FAM83G: variants seen among roughly 807,000 people sequenced by gnomAD.
The protein encoded by FAM83G is protein FAM83G.
FAM83G carries 38 observed loss-of-function variants against 61.5 expected under a neutral mutation model. The ratio of observed to expected loss-of-function variants is 0.62; its 90% CI spans 0.48 to 0.81. The LOEUF (loss-of-function observed/expected upper bound fraction) is 0.81. Ranked by LOEUF, FAM83G falls within the 30% of genes least tolerant of loss-of-function variation. The probability of loss-of-function intolerance (pLI) is 0.00; values close to 1 mark genes in which losing one functional copy is unlikely to be tolerated. For synonymous variants in FAM83G, 470 were observed against 476.1 expected, an observed-to-expected ratio of 0.99 and a Z score of 0.17; for missense variants, 989 against 1,133.6, an observed-to-expected ratio of 0.87 and a Z score of 1.83.
chr17:18,987,291 A>G (rs1290060312), intron 3 of FAM83G, among the ~76,000 whole-genome samples: 4 of 152,206 alleles, frequency 2.6e-5, no homozygotes, highest in African/African-American at 4.8e-5. Flanking sequence ...ATGTGGCTCC[A>G]TTCCCTCATC....
At chr17:18,975,708 A>T (rs1375534998) in intron 5 of FAM83G, 2 of 151,964 alleles carry the variant, frequency 1.3e-5, no homozygotes, top group Non-Finnish European at 2.9e-5. Flanking sequence ...AGAAAAAAAA[A>T]ATCATAGAGG....
chr17:18,993,196 C>T (rs1302302355), intron 2 of FAM83G, among the ~76,000 whole-genome samples: 1 of 152,142 alleles, frequency 6.6e-6, no homozygotes, highest in Non-Finnish European at 1.5e-5. Flanking sequence ...GCTTCCTGAT[C>T]CCTCTCCCCG....
chr17:18,986,111 T>G (rs573486933), intron 3 of FAM83G: 2 of 152,394 alleles, frequency 1.3e-5, no homozygotes, highest in Admixed American at 1.3e-4. Flanking sequence ...GTGAGCCGTG[T>G]GGGCAGCACC....
intron 2 of FAM83G, among the ~76,000 whole-genome samples, chr17:18,992,455 A>G (rs954097968): frequency 1.3e-5 from 2 of 152,092 alleles, no homozygotes; most frequent in African/African-American, 4.8e-5. Flanking sequence ...ACAAAGGAGA[A>G]CCCCACCTGT....
At position 18,969,782 on chromosome 17, in the gene FAM83G, G is replaced by A. The variant is rs1407508388; in HGVS notation, c.*1577C>T. 7.9e-6 allele frequency: 2 copies of A among 252,220 alleles called. No individual in the cohort carries two copies. Among genetic ancestry groups the A allele is most frequent in the Admixed American group, 5.2e-5 (1 of 19,150 alleles). The allele number at this position is 252,220 out of a possible 1,614,324, so 15.6% of individuals were successfully genotyped here. On this transcript the variant is annotated 3_prime_UTR_variant, in exon 6 of 6. Transcript: ENST00000388995. ...CAACCAGGAGGCCATAAAACTGCCT[G>A]GGCAGCTCCTCCAATTGTTTAAAAG... is the stretch of plus-strand genomic sequence containing the variant.
rs771745747 is a variant in FAM83G at position 18,971,413 on chromosome 17, G to A, written c.2418C>T (p.Ala806=). Reference sequence around the variant, plus strand: ...GAGCCCTCCGTTTAGAATCCGATGAGGCCCACTGGCTACCGCCCGTCCTGG... The same window carrying A: ...GAGCCCTCCGTTTAGAATCCGATGAAGCCCACTGGCTACCGCCCGTCCTGG... ...LKARTGGSQW[A]SSDSKRRAQA... is the part of the protein sequence containing the mutation. Residue 806 remains alanine (A), a synonymous_variant, in exon 6 of 6, where the codon GCC becomes GCT. Transcript: ENST00000388995. This position sits in a 1 kb window ranked among gnomAD's most constrained non-coding sequence, Gnocchi z 5.5. 5 of 1,613,796 alleles carry A rather than the reference G, an allele frequency of 3.1e-6. No homozygotes were observed. The African/African-American group carries it at 5.3e-5, about 17-fold the overall frequency.
chr17:18,972,382 G>A (rs1234453636), intron 5 of FAM83G, among the ~76,000 whole-genome samples: 3 of 152,156 alleles, frequency 2.0e-5, no homozygotes, highest in Non-Finnish European at 4.4e-5. Context: ...CCTTTCCCAC[G>A]TGGCCTACCC....
At chr17:18,984,233 T>C (rs1316461631) in intron 3 of FAM83G, among the ~76,000 whole-genome samples, 1 of 142,694 alleles carries the variant, frequency 7.0e-6, no homozygotes, top group Non-Finnish European at 1.5e-5. Flanking sequence ...TCCCAGCTAC[T>C]GGGGAGGCTG....
At chr17:18,992,280 T>C (rs2043446185) in intron 2 of FAM83G, among the ~76,000 whole-genome samples, 1 of 152,236 alleles carries the variant, frequency 6.6e-6, no homozygotes, top group South Asian at 2.1e-4. Flanking sequence ...CAGGGGGACA[T>C]CCGCCTCCAT....
intron 3 of FAM83G, among the ~76,000 whole-genome samples, chr17:18,986,560 C>A (rs1286958945): frequency 6.6e-6 from 1 of 152,210 alleles, no homozygotes; most frequent in Non-Finnish European, 1.5e-5. Flanking sequence ...CCAGGCACTC[C>A]AGGCCCCCCA....
At position 18,970,265 on chromosome 17, in the gene FAM83G, C is replaced by G. The variant is rs2042808164; in HGVS notation, c.*1094G>C. 6.6e-6 allele frequency: 1 copy of G among 152,318 alleles called. No individual in the cohort carries two copies. The highest frequency in any genetic ancestry group is 1.5e-5 in the Non-Finnish European group (1 of 68,124). The allele number at this position is 152,318 out of a possible 1,614,324, so 9.4% of individuals were successfully genotyped here. The stretch of plus-strand genomic sequence containing the variant: ...GGTTTTCCTACATCCAGGCTTCTCC[C>G]TCTCAGACCAGGGGCTCTAGTGTCC... On this transcript the variant is annotated 3_prime_UTR_variant, in exon 6 of 6. Transcript: ENST00000388995.
chr17:18,995,265 AAGTT>A (rs1352603923), intron 2 of FAM83G, among the ~76,000 whole-genome samples: 1 of 152,244 alleles, frequency 6.6e-6, no homozygotes, highest in East Asian at 1.9e-4. Flanking sequence ...TGTGTTCAAA[AAGTT>A]AGGTAGAGAT....
At chr17:18,983,643 T>C (rs1224128798) in intron 3 of FAM83G, among the ~76,000 whole-genome samples, 3 of 152,166 alleles carry the variant, frequency 2.0e-5, no homozygotes, top group Non-Finnish European at 4.4e-5. Flanking sequence ...CCTGGCTGCC[T>C]GAGGTGCAGG....
chr17:18,979,386 G>A (rs1167054921), intron 4 of FAM83G, 163 bp downstream of exon 4: 8 of 837,768 alleles, frequency 9.5e-6, no homozygotes, highest in Admixed American at 8.7e-5. Flanking sequence ...TTCTCTGCCT[G>A]CCTCCAGAGA....
At chr17:19,001,305 C>A (rs1212943982) in intron 2 of FAM83G, among the ~76,000 whole-genome samples, 2 of 152,212 alleles carry the variant, frequency 1.3e-5, no homozygotes, top group Non-Finnish European at 2.9e-5. Flanking sequence ...GAACAAATCC[C>A]TGTCCTTCTC....
Position 18,969,006 on chromosome 17 carries a change from G to A in FAM83G, c.*2353C>T, listed in dbSNP as rs778553064. 1 of 1,564,064 alleles carries A rather than the reference G, an allele frequency of 6.4e-7. No homozygotes were observed. The highest frequency in any genetic ancestry group is 2.3e-5 in the East Asian group (1 of 43,992). On this transcript the variant is annotated 3_prime_UTR_variant, in exon 6 of 6. Transcript: ENST00000388995. ...AGGTCACCCAGGGAGTGGCTTGCTGGAGCCCTGGGAATAACAGTCCCACAC... is the reference window on the plus strand; with the variant it reads ...AGGTCACCCAGGGAGTGGCTTGCTGAAGCCCTGGGAATAACAGTCCCACAC...
intron 2 of FAM83G, among the ~76,000 whole-genome samples, chr17:18,993,616 A>G (rs953566768): frequency 5.3e-5 from 8 of 152,172 alleles, no homozygotes; most frequent in African/African-American, 1.7e-4. Context: ...TGGAGCCCTG[A>G]AGCAGCCACA....
Position 18,978,479 on chromosome 17 carries a change from T to A in FAM83G, c.1187A>T (p.His396Leu). ...GELPELLPPIHPGLLHLERAN... is the reference protein window; with the variant it reads ...GELPELLPPILPGLLHLERAN... ...CCTCTCCAGGTGAAGCAGTCCTGGG[T>A]GGATGGGTGGCAGCAGCTCGGGGAG... The change falls in exon 5 of 6, where the codon CAC becomes CTC. Residue 396 changes from histidine (H) to leucine (L), a missense_variant. Physicochemically the swap from His to Leu is moderately conservative, Grantham distance 99. Transcript: ENST00000388995. 6.2e-7 allele frequency: 1 copy of A among 1,611,514 alleles called. No homozygotes were observed. The highest frequency in any genetic ancestry group is 8.5e-7 in the Non-Finnish European group (1 of 1,179,138).
chr17:18,992,877 C>G (rs1597877184), intron 2 of FAM83G, among the ~76,000 whole-genome samples: 1 of 152,182 alleles, frequency 6.6e-6, no homozygotes, highest in East Asian at 1.9e-4. Context: ...CTGGTGGCCG[C>G]CCTCTCCCTG....
Sources: allele counts gnomAD v4.1 joint callset (sites outside exome capture counted in the v4.1 genomes callset), GRCh38; gene constraint gnomAD v4.1.1; non-coding constraint Gnocchi (gnomAD v3.1); transcripts MANE v1.5; gene names NCBI Gene and HGNC (gene_info 2026-07-23, HGNC 2026-07-21).